SGMS2: variants seen among roughly 807,000 people sequenced by gnomAD.
SGMS2 encodes the protein sphingomyelin synthase 2.
In SGMS2, 21 loss-of-function variants were observed where a neutral mutation model predicts 43.8. That is an observed-to-expected ratio of 0.48 (90% CI 0.34 to 0.69). The LOEUF is 0.69. SGMS2 is among the 30% of genes least tolerant of loss of function. The pLI is 0.01. For missense variants in SGMS2, 384 were observed against 443.2 expected (o/e 0.87, Z 1.20); for synonymous variants, 167 against 160.6 (o/e 1.04, Z -0.30).
At chr4:107,876,787 A>T (rs986518845) in intron 2 of SGMS2, among the ~76,000 whole-genome samples, 21 of 152,078 alleles carry the variant, frequency 1.4e-4, no homozygotes, top group Admixed American at 1.4e-3. Flanking sequence ...AATCTAGGAA[A>T]TTTTTTGTGG....
chr4:107,825,409 C>T (rs1725525955), intron 1 of SGMS2, among the ~76,000 whole-genome samples, 156 bp downstream of exon 1: 1 of 142,778 alleles, frequency 7.0e-6, no homozygotes, highest in Non-Finnish European at 1.5e-5. Context: ...ATTTTGTGGT[C>T]TGGAGGAGAG....
At chr4:107,849,655 A>G (rs946019377) in intron 1 of SGMS2, among the ~76,000 whole-genome samples, 8 of 135,594 alleles carry the variant, frequency 5.9e-5, no homozygotes, top group Admixed American at 2.8e-4. Flanking sequence ...AAAGATCACA[A>G]TTGACTTTTT....
intron 1 of SGMS2, among the ~76,000 whole-genome samples, chr4:107,857,367 G>T (rs963758411): frequency 6.6e-6 from 1 of 151,762 alleles, no homozygotes; most frequent in East Asian, 1.9e-4. Context: ...TTTTTTTGGG[G>T]GGTATATACC....
intron 2 of SGMS2, among the ~76,000 whole-genome samples, chr4:107,869,347 TA>T (rs2126052694): frequency 6.6e-6 from 1 of 152,232 alleles, no homozygotes; most frequent in South Asian, 2.1e-4. Flanking sequence ...TTTAGGCTGC[TA>T]AAAAATTTTT....
chr4:107,869,578 C>T (rs6815013), intron 2 of SGMS2, among the ~76,000 whole-genome samples: 89,526 of 151,832 alleles, frequency 0.59, 27,605 homozygotes, highest in African/African-American at 0.72. Flanking sequence ...GTCTTGAGAA[C>T]AAGTAATTGG....
At chr4:107,861,654 T>G (rs546310362) in intron 2 of SGMS2, among the ~76,000 whole-genome samples, 13 of 152,332 alleles carry the variant, frequency 8.5e-5, no homozygotes, top group Non-Finnish European at 1.0e-4. Flanking sequence ...ATGGAAAGAT[T>G]TTTTTCCTTA....
At chr4:107,866,988 C>T (rs1408462916) in intron 2 of SGMS2, 2 of 152,164 alleles carry the variant, frequency 1.3e-5, no homozygotes, top group African/African-American at 4.8e-5. Flanking sequence ...TGATCCAGGG[C>T]TTTGTCATGG....
rs965789510 is a variant in SGMS2, at chr4:107,914,370, G to A, written c.*3817G>A. 7.9e-5 allele frequency: 12 copies of A among 152,160 alleles called. No homozygotes were observed. The highest frequency in any genetic ancestry group is 5.2e-4 in the Admixed American group (8 of 15,272). 9.4% of individuals were successfully genotyped at this position (152,160 alleles called of 1,614,324 possible). ...GTCCTTTAAAAGAAAAAGAGGAAAC[G>A]ATGAACAAAAACTAATCTAATTGCC... On this transcript the variant is annotated 3_prime_UTR_variant, in exon 7 of 7. Coordinates refer to ENST00000690982, the MANE Select transcript of SGMS2 (RefSeq NM_001375905.1).
intron 1 of SGMS2, among the ~76,000 whole-genome samples, chr4:107,847,293 A>T (rs1726884686): frequency 6.6e-6 from 1 of 152,140 alleles, no homozygotes; most frequent in Non-Finnish European, 1.5e-5. Flanking sequence ...TTTTTGTATA[A>T]GGTGTAAGGA....
chr4:107,897,718 T>A lies in SGMS2; in HGVS notation c.455+1710T>A, dbSNP rs143430367. Among the ~76,000 whole-genome samples, 1,358 of 152,318 alleles carry A rather than the reference T, an allele frequency of 8.9e-3. 4 individuals are homozygous for A. The highest frequency in any genetic ancestry group is 0.027 in the Middle Eastern group (8 of 294). ...GACCATAAATTTTAATGATATCCAC[T>A]GTTTCAGTCGCAATTCACACAAGTT... On this transcript the variant is annotated intron_variant, in intron 3 of 6. Transcript: ENST00000690982.
chr4:107,891,068 T>C (rs771273104), intron 2 of SGMS2, among the ~76,000 whole-genome samples: 2 of 152,090 alleles, frequency 1.3e-5, no homozygotes, highest in Non-Finnish European at 2.9e-5. Flanking sequence ...GCCCCTTAAG[T>C]AGTCAAAATT....
chr4:107,841,416 C>T (rs189982978), intron 1 of SGMS2, among the ~76,000 whole-genome samples: 17 of 152,004 alleles, frequency 1.1e-4, no homozygotes, highest in Admixed American at 9.2e-4. Flanking sequence ...CTTTGGAAGA[C>T]TACAGACCTT....
At chr4:107,862,864 T>C (rs752858423) in intron 2 of SGMS2, among the ~76,000 whole-genome samples, 2 of 152,212 alleles carry the variant, frequency 1.3e-5, no homozygotes, top group Non-Finnish European at 2.9e-5. Flanking sequence ...AACACCTCAC[T>C]GAATGAAATG....
intron 2 of SGMS2, among the ~76,000 whole-genome samples, chr4:107,887,444 A>G (rs759753950): frequency 6.6e-6 from 1 of 152,218 alleles, no homozygotes; most frequent in African/African-American, 2.4e-5. Context: ...GAAGTTTCCC[A>G]TAATTTTAGA....
intron 2 of SGMS2, among the ~76,000 whole-genome samples, chr4:107,870,816 T>C (rs1728508294): frequency 1.3e-5 from 2 of 152,218 alleles, no homozygotes; most frequent in Admixed American, 6.5e-5. Context: ...TATTTTTAAA[T>C]ATAAATTTTT....
At position 107,909,832 on chromosome 4, in the gene SGMS2, T is replaced by C. The variant is rs534699805; in HGVS notation, c.895-518T>C. Among the ~76,000 whole-genome samples the C allele has an allele frequency of 3.9e-5, 6 of 152,366 alleles. No homozygotes were observed. The South Asian group carries it at 6.2e-4, about 16-fold the overall frequency. The stretch of plus-strand genomic sequence containing the variant: ...TTCCAAAGGATCTACGTCCAACTCT[T>C]GGTGTCCACTAATAAATGCTCTTTC... On this transcript the variant is annotated intron_variant, in intron 6 of 6. Coordinates refer to ENST00000690982, the MANE Select transcript of SGMS2 (RefSeq NM_001375905.1).
chr4:107,824,900 G>A (rs1725479594), upstream of SGMS2: 1 of 152,090 alleles, frequency 6.6e-6, no homozygotes, highest in African/African-American at 2.4e-5. Flanking sequence ...CGCGCGGCGG[G>A]CGGGGAGAGC....
At chr4:107,889,795 C>A (rs997354224) in intron 2 of SGMS2, among the ~76,000 whole-genome samples, 2 of 152,096 alleles carry the variant, frequency 1.3e-5, no homozygotes, top group African/African-American at 4.8e-5. Flanking sequence ...AAATTTGCAT[C>A]ATAAGATACA....
chr4:107,856,116 AC>A (rs1268685158), intron 1 of SGMS2, among the ~76,000 whole-genome samples: 2 of 152,138 alleles, frequency 1.3e-5, no homozygotes, highest in Non-Finnish European at 2.9e-5. Flanking sequence ...TGATCAAGAA[AC>A]CTTCTCTATA....
Sources: gnomAD v4.1 joint callset for allele counts (sites outside exome capture counted in the v4.1 genomes callset) on GRCh38, gnomAD v4.1.1 for gene constraint, MANE v1.5 for transcripts, NCBI Gene and HGNC (gene_info 2026-07-23, HGNC 2026-07-21) for gene names.